CDC42BPA: variants seen among roughly 807,000 people sequenced by gnomAD.
The protein encoded by CDC42BPA is serine/threonine-protein kinase MRCK alpha.
Under a neutral mutation model 223.5 loss-of-function variants are expected in CDC42BPA, and 80 were observed. That is an observed-to-expected ratio of 0.36 (90% CI 0.30 to 0.43). The LOEUF (loss-of-function observed/expected upper bound fraction) is 0.43. Among genes scored for constraint, CDC42BPA ranks in the 20% least tolerant of loss-of-function variants. The pLI is 1.00. For missense variants in CDC42BPA, 1,743 were observed against 2,099.9 expected, an observed-to-expected ratio of 0.83 and a Z score of 3.32; for synonymous variants, 694 against 718.6, an observed-to-expected ratio of 0.97 and a Z score of 0.55.
intron 4 of CDC42BPA, among the ~76,000 whole-genome samples, chr1:227,194,933 G>A (rs6690668): frequency 0.68 from 103,832 of 151,986 alleles, 35,696 homozygotes; most frequent in South Asian, 0.74. Flanking sequence ...CAAGACACAT[G>A]AATGCCTTGA....
chr1:227,270,271 TGCATAGGAAGA>T (rs1320282415), intron 1 of CDC42BPA, among the ~76,000 whole-genome samples: 2 of 152,094 alleles, frequency 1.3e-5, no homozygotes, highest in African/African-American at 4.8e-5. Flanking sequence ...CTTAAGTAAA[TGCATAGGAAGA>T]GGGTCTAAAA....
At chr1:227,042,885 G>C (rs1671670397) in intron 23 of CDC42BPA, among the ~76,000 whole-genome samples, 1 of 152,112 alleles carries the variant, frequency 6.6e-6, no homozygotes, top group South Asian at 2.1e-4. Flanking sequence ...TGATTAGAAA[G>C]AGTTCTTTTC....
rs12033597 is a variant in CDC42BPA, at chr1:227,226,397, C to G, written c.271-13178G>C. On this transcript the variant is annotated intron_variant, in intron 2 of 36. Coordinates refer to ENST00000366766, the MANE Select transcript of CDC42BPA (RefSeq NM_001394014.1). ...TAGCTCTAGTATACTAGTTAAAACCCAGAAGCAAAGAGAAGAGGTTTGAAC... is the reference window on the plus strand; with the variant it reads ...TAGCTCTAGTATACTAGTTAAAACCGAGAAGCAAAGAGAAGAGGTTTGAAC... Among the ~76,000 whole-genome samples, 79 of 152,286 alleles carry G rather than the reference C, an allele frequency of 5.2e-4. No individual in the cohort carries two copies. In the East Asian group the frequency reaches 0.013, roughly 25 times the overall value.
At chr1:227,208,628 CTTGT>C (rs962095937) in intron 3 of CDC42BPA, among the ~76,000 whole-genome samples, 2 of 148,970 alleles carry the variant, frequency 1.3e-5, no homozygotes, top group Non-Finnish European at 1.5e-5. Flanking sequence ...TTCCCCATTG[CTTGT>C]TTTTCTCAGG....
chr1:227,247,951 T>C (rs1329716040), intron 2 of CDC42BPA, among the ~76,000 whole-genome samples: 1 of 152,038 alleles, frequency 6.6e-6, no homozygotes, highest in Non-Finnish European at 1.5e-5. Context: ...AAAACTCAAC[T>C]GACATGTTAA....
At chr1:227,259,206 T>C (rs1258114414) in intron 1 of CDC42BPA, among the ~76,000 whole-genome samples, 1 of 150,904 alleles carries the variant, frequency 6.6e-6, no homozygotes, top group Non-Finnish European at 1.5e-5. Flanking sequence ...TGAGGCCCCA[T>C]TTAACTGGCC....
At chr1:227,258,177 A>G (rs867245555) in intron 1 of CDC42BPA, among the ~76,000 whole-genome samples, 2,211 of 73,212 alleles carry the variant, frequency 0.03, 135 homozygotes, top group African/African-American at 0.093. Flanking sequence ...CCTGTCCGGG[A>G]AAAAAAAAAA....
chr1:227,218,601 G>A (rs1675289008), intron 2 of CDC42BPA, among the ~76,000 whole-genome samples: 1 of 152,066 alleles, frequency 6.6e-6, no homozygotes, highest in Admixed American at 6.6e-5. Context: ...ATAAGTAATA[G>A]AACCAGAATA....
At chr1:227,143,620 G>C (rs930536265) in intron 8 of CDC42BPA, among the ~76,000 whole-genome samples, 2 of 152,190 alleles carry the variant, frequency 1.3e-5, no homozygotes, top group Non-Finnish European at 2.9e-5. Context: ...TGCCTTTATG[G>C]AGAAAATAAT....
At chr1:227,193,472 C>T (rs540964945) in intron 5 of CDC42BPA, among the ~76,000 whole-genome samples, 4 of 151,934 alleles carry the variant, frequency 2.6e-5, no homozygotes, top group African/African-American at 7.2e-5. Context: ...AATAGTGTAC[C>T]CTGTACCCAT....
chr1:227,060,963 C>T (rs944320427), intron 21 of CDC42BPA, among the ~76,000 whole-genome samples: 2 of 151,910 alleles, frequency 1.3e-5, no homozygotes, highest in African/African-American at 2.4e-5. Context: ...CTAAGTGATC[C>T]GCCTGCCTCG....
Position 227,237,336 on chromosome 1 carries a change from A to C in CDC42BPA, c.270+16728T>G, listed in dbSNP as rs1039430758. 2.0e-5 allele frequency among the ~76,000 whole-genome samples: 3 copies of C among 152,186 alleles called. No individual in the cohort carries two copies. The South Asian group carries it at 6.2e-4, about 32-fold the overall frequency. ...AAAAATAAAAAGGCTCCCACTTATA[A>C]GTGTCACTCCCACTCCTGTCTACCC... On this transcript the variant is annotated intron_variant, in intron 2 of 36. Transcript: ENST00000366766.
At chr1:227,245,147 T>C (rs1257775318) in intron 2 of CDC42BPA, among the ~76,000 whole-genome samples, 1 of 152,136 alleles carries the variant, frequency 6.6e-6, no homozygotes, top group African/African-American at 2.4e-5. Context: ...GCCAGTGAAC[T>C]AGGGTTGCTC....
chr1:227,038,647 G>A (rs1378307912), intron 24 of CDC42BPA, among the ~76,000 whole-genome samples: 1 of 152,168 alleles, frequency 6.6e-6, no homozygotes, highest in African/African-American at 2.4e-5. Context: ...TACTTGTTGG[G>A]TGCCAAAACC....
Position 227,018,558 on chromosome 1 carries a change from A to G in CDC42BPA, c.4616-1508T>C, listed in dbSNP as rs553814693. ...CAAGTCAGAATAGGTTTTGTCTTAT[A>G]GACACATAGTGGGTATGAACACATT... On this transcript the variant is annotated intron_variant, in intron 32 of 36. Coordinates refer to ENST00000366766, the MANE Select transcript of CDC42BPA (RefSeq NM_001394014.1). Among the ~76,000 whole-genome samples, 5 of 152,358 alleles carry G rather than the reference A, an allele frequency of 3.3e-5. No individual in the cohort carries two copies. In the East Asian group the frequency reaches 7.7e-4, roughly 23 times the overall value.
At chr1:227,168,099 A>AT (rs1260888933) in intron 5 of CDC42BPA, among the ~76,000 whole-genome samples, 2 of 151,582 alleles carry the variant, frequency 1.3e-5, no homozygotes, top group African/African-American at 4.9e-5. Flanking sequence ...CTAATTTTGT[A>AT]TTTTTAGTAG....
intron 1 of CDC42BPA, among the ~76,000 whole-genome samples, chr1:227,262,749 G>A (rs1348681393): frequency 6.6e-6 from 1 of 152,044 alleles, no homozygotes; most frequent in African/African-American, 2.4e-5. Context: ...ACACACTAGA[G>A]GAACAATAAG....
At chr1:227,028,605 A>T in intron 30 of CDC42BPA, 52 bp downstream of exon 30, 1 of 1,239,446 alleles carries the variant, frequency 8.1e-7, no homozygotes, top group Admixed American at 2.4e-5. Flanking sequence ...AGTAGAAGGG[A>T]AAAGGAAGAA....
intron 1 of CDC42BPA, among the ~76,000 whole-genome samples, chr1:227,316,679 T>C (rs1335568378): frequency 6.6e-6 from 1 of 152,234 alleles, no homozygotes; most frequent in Non-Finnish European, 1.5e-5. Flanking sequence ...TATAGTGCCA[T>C]GTATTAGGCA....
Sources: allele counts gnomAD v4.1 joint callset (sites outside exome capture counted in the v4.1 genomes callset), GRCh38; gene constraint gnomAD v4.1.1; transcripts MANE v1.5; gene names NCBI Gene and HGNC (gene_info 2026-07-23, HGNC 2026-07-21).